Variants in SORBS2 observed in about 807,000 individuals in gnomAD.
SORBS2 encodes sorbin and SH3 domain-containing protein 2.
Under a neutral mutation model 97.7 loss-of-function variants are expected in SORBS2, and 46 were observed. That is an observed-to-expected ratio of 0.47 (90% CI 0.37 to 0.60). The LOEUF (loss-of-function observed/expected upper bound fraction) is 0.60. Ranked by LOEUF, SORBS2 falls within the 20% of genes least tolerant of loss-of-function variation. The pLI, the probability that SORBS2 is intolerant of heterozygous loss-of-function variation, is 0.00. For missense variants in SORBS2, 1,316 were observed against 1,282.3 expected, an observed-to-expected ratio of 1.03 and a Z score of -0.40; for synonymous variants, 476 against 473.4, an observed-to-expected ratio of 1.01 and a Z score of -0.07.
chr4:185,698,629 C>A (rs1460181080), intron 2 of SORBS2, among the ~76,000 whole-genome samples: 1 of 152,050 alleles, frequency 6.6e-6, no homozygotes, highest in Non-Finnish European at 1.5e-5. Context: ...GGGAAAAGAA[C>A]AAAATATGAG....
At chr4:185,865,942 T>C (rs2648117) in intron 1 of SORBS2, among the ~76,000 whole-genome samples, 112,861 of 152,146 alleles carry the variant, frequency 0.74, 42,104 homozygotes, top group African/African-American at 0.82. Flanking sequence ...GTCCACAAAC[T>C]GGTTTCAAAT....
At position 185,647,840 on chromosome 4, in the gene SORBS2, A is replaced by G. The variant is rs192479637; in HGVS notation, c.282-1058T>C. On this transcript the variant is annotated intron_variant, in intron 3 of 14. Transcript: ENST00000418609. ...ACATGAGATAATACATATGAAAGCC[A>G]TATGGAATTTTTTAGGAGGTTATCA... Among the ~76,000 whole-genome samples the G allele has an allele frequency of 3.2e-4, 49 of 152,354 alleles. No homozygotes were observed. The East Asian group carries it at 6.6e-3, about 20-fold the overall frequency.
At chr4:185,720,693 A>G (rs1050856829) in intron 2 of SORBS2, among the ~76,000 whole-genome samples, 12 of 152,132 alleles carry the variant, frequency 7.9e-5, no homozygotes, top group African/African-American at 2.9e-4. Flanking sequence ...CAGTTTGCAA[A>G]TTATATTTTG....
At chr4:185,713,783 A>G (rs2098443879) in intron 2 of SORBS2, among the ~76,000 whole-genome samples, 1 of 152,230 alleles carries the variant, frequency 6.6e-6, no homozygotes, top group African/African-American at 2.4e-5. Context: ...CATTACTATC[A>G]TTTAGTTTCC....
intron 1 of SORBS2, among the ~76,000 whole-genome samples, chr4:185,950,304 G>A (rs1018086929): frequency 6.6e-6 from 1 of 152,026 alleles, no homozygotes; most frequent in Non-Finnish European, 1.5e-5. Context: ...TTGGGCTACA[G>A]CTCAACACTG....
At position 185,665,839 on chromosome 4, in the gene SORBS2, A is replaced by G. The variant is rs188102256; in HGVS notation, c.-45-3597T>C. On this transcript the variant is annotated intron_variant, in intron 4 of 20. Coordinates refer to the SORBS2 transcript ENST00000284776. ...ACGGCCAGTGGTGTCAGAGTCACCA[A>G]TCTGCAGCTCCTCCAGCATGGCTGT... 4 of 1,152,878 alleles carry G rather than the reference A, an allele frequency of 3.5e-6. No individual in the cohort carries two copies. The African/African-American group carries it at 6.5e-5, about 19-fold the overall frequency. 71.4% of individuals were successfully genotyped at this position (1,152,878 alleles called of 1,614,324 possible).
At chr4:185,672,026 C>T (rs1307736479) in intron 4 of SORBS2, among the ~76,000 whole-genome samples, 2 of 152,142 alleles carry the variant, frequency 1.3e-5, no homozygotes, top group Admixed American at 6.5e-5. Context: ...TTGCCAAAGA[C>T]CTGATCAACT....
intron 1 of SORBS2, among the ~76,000 whole-genome samples, chr4:185,881,319 T>C (rs1189641021): frequency 6.6e-6 from 1 of 152,154 alleles, no homozygotes; most frequent in African/African-American, 2.4e-5. Context: ...TAAATAATAT[T>C]TCTCAAAGAA....
chr4:185,913,202 A>G (rs1007554805), intron 1 of SORBS2, among the ~76,000 whole-genome samples: 4 of 152,230 alleles, frequency 2.6e-5, no homozygotes, highest in African/African-American at 7.2e-5. Flanking sequence ...CCTGGGACCC[A>G]CTGCATGGTT....
intron 2 of SORBS2, among the ~76,000 whole-genome samples, chr4:185,679,570 C>T (rs776890170): frequency 8.5e-5 from 13 of 152,104 alleles, no homozygotes; most frequent in Non-Finnish European, 1.3e-4. Flanking sequence ...TCAGTTTGCA[C>T]GTTTAACTCA....
At chr4:185,639,301 A>T (rs927332082) in intron 4 of SORBS2, among the ~76,000 whole-genome samples, 1 of 152,134 alleles carries the variant, frequency 6.6e-6, no homozygotes, top group East Asian at 1.9e-4. Flanking sequence ...AATACCGTGG[A>T]TGGCGGGGAA....
chr4:185,793,042 C>T lies in SORBS2; in HGVS notation c.-337-17676G>A, dbSNP rs62335688. ...AGAATTTGGCACGCTGCCTGACACACTGTGCATTGAATGAATGGTGGCCAT... is the reference window on the plus strand; with the variant it reads ...AGAATTTGGCACGCTGCCTGACACATTGTGCATTGAATGAATGGTGGCCAT... On this transcript the variant is annotated intron_variant, in intron 1 of 20. Coordinates refer to the SORBS2 transcript ENST00000284776. 8.9e-3 allele frequency among the ~76,000 whole-genome samples: 1,353 copies of T among 152,350 alleles called. 8 individuals carry two copies. Among genetic ancestry groups the T allele is most frequent in the Middle Eastern group, 0.02 (6 of 294 alleles).
chr4:185,785,219 T>A (rs2099050488), intron 1 of SORBS2, among the ~76,000 whole-genome samples: 2 of 149,066 alleles, frequency 1.3e-5, no homozygotes, highest in South Asian at 4.3e-4. Flanking sequence ...TTTGAGCGTT[T>A]AAAAAAAAAA....
chr4:185,912,359 T>C (rs890682782), intron 1 of SORBS2, among the ~76,000 whole-genome samples: 1 of 151,414 alleles, frequency 6.6e-6, no homozygotes, highest in African/African-American at 2.4e-5. Context: ...CCGAGGCGGG[T>C]GGATCATCTG....
chr4:185,624,476 A>C, exon 7 of SORBS2: 1 of 1,605,448 alleles, frequency 6.2e-7, no homozygotes, highest in Non-Finnish European at 8.5e-7. Flanking sequence ...GGATGGACAT[A>C]TTTTGCTATC....
At chr4:185,697,615 A>G (rs1313008523) in intron 2 of SORBS2, among the ~76,000 whole-genome samples, 1 of 152,364 alleles carries the variant, frequency 6.6e-6, no homozygotes, top group East Asian at 1.9e-4. Flanking sequence ...TTTTAAAAAA[A>G]TCATTCTCTT....
rs555225824 is a variant in SORBS2 at position 185,641,773 on chromosome 4, A to C, written c.396+4895T>G. 2.6e-5 allele frequency among the ~76,000 whole-genome samples: 4 copies of C among 151,976 alleles called. No homozygotes were observed. The East Asian group carries it at 5.8e-4, about 22-fold the overall frequency. On this transcript the variant is annotated intron_variant, in intron 4 of 14. Transcript: ENST00000418609. ...GTTTCTTTTCATTAAAAAAAAAAAAAAACCCACCAGCAAACCTCCGTTTAA... is the reference window on the plus strand; with the variant it reads ...GTTTCTTTTCATTAAAAAAAAAAAACAACCCACCAGCAAACCTCCGTTTAA...
intron 2 of SORBS2, chr4:185,771,855 T>G (rs1357070754): frequency 6.6e-6 from 1 of 152,202 alleles, no homozygotes; most frequent in Non-Finnish European, 1.5e-5. Flanking sequence ...CCTGGGTGGC[T>G]TAGCATTTCA....
rs983339078 is a variant in SORBS2 at position 185,903,331 on chromosome 4, G to A, written c.-338+52865C>T. On this transcript the variant is annotated intron_variant, in intron 1 of 20. Transcript: ENST00000284776. ...ATAAATGTAAAGCATGTGACATAGT[G>A]CCTGACAGATACTCAGTAAGTTGTA... 1.1e-4 allele frequency among the ~76,000 whole-genome samples: 16 copies of A among 152,162 alleles called. 1 individual carries two copies. The highest frequency in any genetic ancestry group is 9.8e-4 in the Admixed American group (15 of 15,276).
Sources: allele counts gnomAD v4.1 joint callset (sites outside exome capture counted in the v4.1 genomes callset), GRCh38; gene constraint gnomAD v4.1.1; transcripts MANE v1.5; gene names NCBI Gene and HGNC (gene_info 2026-07-23, HGNC 2026-07-21).